The following ADCY2 variants were observed in gnomAD, a reference collection of about 807,000 sequenced individuals.
ADCY2 encodes adenylate cyclase 2, also known as adenylate cyclase type 2.
A neutral mutation model predicts 125.2 loss-of-function variants in ADCY2; 31 were observed. That is an observed-to-expected ratio of 0.25 (90% CI 0.19 to 0.33). The LOEUF is 0.33. ADCY2 is among the 10% of genes least tolerant of loss of function. The pLI, the probability that ADCY2 is intolerant of heterozygous loss-of-function variation, is 1.00. For missense variants in ADCY2, 904 were observed against 1,418.2 expected (o/e 0.64, Z 5.82); for synonymous variants, 512 against 548.4 (o/e 0.93, Z 0.93).
At chr5:7,404,310 C>A (rs1456237459) in intron 1 of ADCY2, among the ~76,000 whole-genome samples, 1 of 152,070 alleles carries the variant, frequency 6.6e-6, no homozygotes, top group Non-Finnish European at 1.5e-5. Context: ...TTTATCTTAT[C>A]CATTACTTCT....
rs377463124 is a variant in ADCY2, at chr5:7,511,526, G to C, written c.409-9212G>C. ...GGAGGCAGAGGCTGCAGTGAGCTGAGATCGCACCACTGCACTCCAGCCTGG... is the reference window on the plus strand; with the variant it reads ...GGAGGCAGAGGCTGCAGTGAGCTGACATCGCACCACTGCACTCCAGCCTGG... On this transcript the variant is annotated intron_variant, in intron 2 of 24. Transcript: ENST00000338316. 5.3e-5 allele frequency among the ~76,000 whole-genome samples: 8 copies of C among 152,204 alleles called. No individual in the cohort carries two copies. In the East Asian group the frequency reaches 1.6e-3, roughly 30 times the overall value.
At chr5:7,764,780 C>A (rs929530616) in intron 16 of ADCY2, among the ~76,000 whole-genome samples, 1 of 152,118 alleles carries the variant, frequency 6.6e-6, no homozygotes, top group African/African-American at 2.4e-5. Context: ...AAAGTTGGGG[C>A]AGTTTTACCT....
chr5:7,798,533 CA>C (rs1200522876), intron 20 of ADCY2: 3 of 150,324 alleles, frequency 2.0e-5, no homozygotes, highest in Non-Finnish European at 3.0e-5. Context: ...GGGAAGGGCA[CA>C]AGCCACAGGT....
chr5:7,620,053 G>A (rs144808885), intron 3 of ADCY2, among the ~76,000 whole-genome samples: 386 of 152,206 alleles, frequency 2.5e-3, no homozygotes, highest in African/African-American at 9.0e-3. Context: ...AAGAGTTGCT[G>A]GAGCAGTTCT....
chr5:7,768,009 C>T (rs1025112979), intron 17 of ADCY2, among the ~76,000 whole-genome samples: 4 of 149,310 alleles, frequency 2.7e-5, no homozygotes, highest in African/African-American at 4.9e-5. Flanking sequence ...CCAGCCTGGG[C>T]GACAGAGTGA....
intron 3 of ADCY2, among the ~76,000 whole-genome samples, chr5:7,579,006 A>C (rs937936542): frequency 3.3e-5 from 5 of 152,196 alleles, no homozygotes; most frequent in Non-Finnish European, 7.3e-5. Context: ...ATTGTCTTTA[A>C]ATATAAAAAT....
intron 3 of ADCY2, among the ~76,000 whole-genome samples, chr5:7,533,064 T>C (rs1193642813): frequency 6.7e-6 from 1 of 149,638 alleles, no homozygotes; most frequent in East Asian, 1.9e-4. Context: ...ATACATTTGA[T>C]ATATACATAT....
intron 2 of ADCY2, among the ~76,000 whole-genome samples, chr5:7,476,329 G>A (rs542956936): frequency 6.6e-6 from 1 of 152,234 alleles, no homozygotes; most frequent in Non-Finnish European, 1.5e-5. Flanking sequence ...GGCCAGGCCT[G>A]GTGGATCCCC....
intron 5 of ADCY2, chr5:7,691,885 G>GAAGGGGAAGCAGGCACGTT (rs1017515119): frequency 6.3e-6 from 1 of 159,030 alleles, no homozygotes; most frequent in African/African-American, 2.4e-5. Flanking sequence ...GGCAGAAGGT[G>GAAGGGGAAGCAGGCACGTT]AAGGGGAAGC....
chr5:7,709,245 C>A lies in ADCY2; in HGVS notation c.1436C>A (p.Pro479His). 1 of 1,613,450 alleles carries A rather than the reference C, an allele frequency of 6.2e-7. No homozygotes were observed. The highest frequency in any genetic ancestry group is 2.2e-5 in the East Asian group (1 of 44,846). Residue 479 changes from proline to histidine, a missense_variant, in exon 10 of 25, where the codon CCT becomes CAT. Around this residue, in one of 7 missense-constraint regions of ADCY2, gnomAD observed 144 missense variants for 227.7 expected, o/e 0.63. Coordinates refer to ENST00000338316, the MANE Select transcript of ADCY2 (RefSeq NM_020546.3). The surrounding 1 kb of genome is among the most constrained non-coding windows in gnomAD (Gnocchi z 4.4). The part of the protein sequence containing the change: ...ERRSPQHLFR[P>H]RHTLDGAKMR... Reference sequence around the variant, plus strand: ...CGGAGCCCCCAGCATCTCTTCAGACCTCGCCACACCCTTGATGGAGCCAAA... The same window carrying A: ...CGGAGCCCCCAGCATCTCTTCAGACATCGCCACACCCTTGATGGAGCCAAA...
chr5:7,576,937 T>C (rs556550585), intron 3 of ADCY2, among the ~76,000 whole-genome samples: 1 of 152,226 alleles, frequency 6.6e-6, no homozygotes, highest in Non-Finnish European at 1.5e-5. Flanking sequence ...TTTTCCTGAA[T>C]AGACTTATCT....
intron 5 of ADCY2, among the ~76,000 whole-genome samples, chr5:7,693,712 C>A (rs1561170889): frequency 6.6e-6 from 1 of 152,166 alleles, no homozygotes; most frequent in Non-Finnish European, 1.5e-5. Flanking sequence ...CGTGAGCCAC[C>A]ACGCCCGGCC....
intron 2 of ADCY2, among the ~76,000 whole-genome samples, chr5:7,498,222 A>G (rs1561058070): frequency 6.9e-6 from 1 of 144,594 alleles, no homozygotes; most frequent in Non-Finnish European, 1.5e-5. Flanking sequence ...AGTAAGTAAA[A>G]CTCTTTTTCT....
At chr5:7,644,659 C>T (rs1388137245) in intron 4 of ADCY2, among the ~76,000 whole-genome samples, 1 of 152,146 alleles carries the variant, frequency 6.6e-6, no homozygotes, top group Non-Finnish European at 1.5e-5. Context: ...GTCACCCTCT[C>T]TATTTCTGTG....
At chr5:7,727,742 G>A (rs543770720) in intron 14 of ADCY2, among the ~76,000 whole-genome samples, 9 of 151,860 alleles carry the variant, frequency 5.9e-5, no homozygotes, top group Non-Finnish European at 1.0e-4. Flanking sequence ...CTCTGCAGCC[G>A]TCTTTGATTG....
At chr5:7,443,050 T>C (rs1261760071) in intron 2 of ADCY2, among the ~76,000 whole-genome samples, 1 of 152,180 alleles carries the variant, frequency 6.6e-6, no homozygotes. Context: ...TGTTAGTCTT[T>C]CTTAGCTTTT....
At chr5:7,816,821 CT>C in intron 22 of ADCY2, 44 bp from the exon 23 acceptor site, 1 of 1,513,358 alleles carries the variant, frequency 6.6e-7, no homozygotes, top group Non-Finnish European at 9.2e-7. Context: ...CAGTTTCCAG[CT>C]GTGATGCTCT....
intron 9 of ADCY2, 72 bp downstream of exon 9, chr5:7,707,910 T>C (rs1055398996): frequency 2.0e-6 from 3 of 1,517,848 alleles, no homozygotes; most frequent in South Asian, 1.2e-5. Flanking sequence ...TAAGTGTTTT[T>C]AGTCAATATC....
At chr5:7,471,888 G>C (rs1057192079) in intron 2 of ADCY2, among the ~76,000 whole-genome samples, 1 of 152,076 alleles carries the variant, frequency 6.6e-6, no homozygotes, top group Non-Finnish European at 1.5e-5. Flanking sequence ...GTCTAACAAG[G>C]AGTCAGGTGT....
Sources: allele counts gnomAD v4.1 joint callset (sites outside exome capture counted in the v4.1 genomes callset), GRCh38; gene constraint gnomAD v4.1.1; regional missense constraint gnomAD v4.1.1; non-coding constraint Gnocchi (gnomAD v3.1); transcripts MANE v1.5; gene names NCBI Gene and HGNC (gene_info 2026-07-23, HGNC 2026-07-21).